TUT4: variants seen among roughly 807,000 people sequenced by gnomAD.
TUT4 encodes terminal uridylyl transferase 4.
A neutral mutation model predicts 192.2 loss-of-function variants in TUT4; 36 were observed. The observed-to-expected ratio is 0.19, with a 90% CI of 0.14 to 0.25. TUT4 has a LOEUF of 0.25. Among genes scored for constraint, TUT4 ranks in the 10% least tolerant of loss-of-function variants. The pLI is 1.00. For synonymous variants in TUT4, 618 were observed against 666.0 expected, an observed-to-expected ratio of 0.93 and a Z score of 1.11; for missense variants, 1,493 against 1,957.2, an observed-to-expected ratio of 0.76 and a Z score of 4.47.
chr1:52,445,615 A>G (rs990018620), intron 24 of TUT4, among the ~76,000 whole-genome samples, 172 bp downstream of exon 24: 1 of 152,214 alleles, frequency 6.6e-6, no homozygotes, highest in African/African-American at 2.4e-5. Context: ...TAAACAAATA[A>G]AATTTTGAAA....
intron 19 of TUT4, 120 bp from the exon 20 acceptor site, chr1:52,458,569 C>T (rs1326685604): frequency 1.3e-5 from 8 of 637,440 alleles, no homozygotes; most frequent in Non-Finnish European, 2.1e-5. Context: ...GAGTTAAAAA[C>T]AAACTGCACC....
chr1:52,481,297 G>T, intron 11 of TUT4, 126 bp downstream of exon 11: 1 of 957,670 alleles, frequency 1.0e-6, no homozygotes, highest in Non-Finnish European at 1.6e-6. Flanking sequence ...TCACTTTATA[G>T]ATGAGGAAAA....
At chr1:52,445,716 G>T in intron 24 of TUT4, 71 bp downstream of exon 24, 1 of 1,177,008 alleles carries the variant, frequency 8.5e-7, no homozygotes, top group Non-Finnish European at 1.2e-6. Context: ...ACATCAGTTT[G>T]GAAACACAAT....
rs1571181224 is a variant in TUT4 at position 52,515,500 on chromosome 1, A to G, written c.882+391T>C. 2.4e-5 allele frequency: 7 copies of G among 294,492 alleles called. No individual in the cohort carries two copies. In the East Asian group the frequency reaches 4.0e-4, roughly 17 times the overall value. 18.2% of individuals were successfully genotyped at this position (294,492 alleles called of 1,614,324 possible). On this transcript the variant is annotated intron_variant, in intron 3 of 29. Transcript: ENST00000257177. Reference sequence around the variant, plus strand: ...AAGCCATATAAGCTCTGTGACAACTACTCAACTCAAATTTCCCATCGTAGC... The same window carrying G: ...AAGCCATATAAGCTCTGTGACAACTGCTCAACTCAAATTTCCCATCGTAGC...
chr1:52,423,658 A>G lies in TUT4; in HGVS notation c.*277T>C. On this transcript the variant is annotated 3_prime_UTR_variant, in exon 30 of 30. Transcript: ENST00000257177. ...ATTCCCTTAAAAATAGGGTAATAAA[A>G]TAGATGAAATTTGTATCACTCAATT... 1 of 538,532 alleles carries G rather than the reference A, an allele frequency of 1.9e-6. No individual in the cohort carries two copies. The allele number at this position is 538,532 out of a possible 1,614,324, so 33.4% of individuals were successfully genotyped here. A position where few individuals can be genotyped will look rare whatever the true frequency, so the allele number is the denominator to read the frequency against.
intron 28 of TUT4, among the ~76,000 whole-genome samples, chr1:52,425,866 A>AGGGGGG (rs975102399): frequency 1.9e-5 from 1 of 53,078 alleles, no homozygotes; most frequent in African/African-American, 7.8e-5. Flanking sequence ...CAAAATAGGG[A>AGGGGGG]GGGGGTGGGG....
At chr1:52,449,646 T>C (rs1200561742) in intron 20 of TUT4, among the ~76,000 whole-genome samples, 2 of 152,182 alleles carry the variant, frequency 1.3e-5, no homozygotes, top group Non-Finnish European at 2.9e-5. Context: ...AATATAAAAT[T>C]TACCATCATA....
intron 1 of TUT4, among the ~76,000 whole-genome samples, chr1:52,551,712 A>G (rs563131814): frequency 6.6e-6 from 1 of 152,332 alleles, no homozygotes; most frequent in East Asian, 1.9e-4. Context: ...ACACACACAC[A>G]CAAAGTCGGC....
At chr1:52,530,426 C>A (rs1451990808) in intron 1 of TUT4, among the ~76,000 whole-genome samples, 1 of 152,034 alleles carries the variant, frequency 6.6e-6, no homozygotes, top group Non-Finnish European at 1.5e-5. Flanking sequence ...GTAAAACAAG[C>A]GCATCATAGA....
intron 11 of TUT4, 137 bp downstream of exon 11, chr1:52,481,286 C>T: frequency 1.2e-6 from 1 of 866,064 alleles, no homozygotes; most frequent in Non-Finnish European, 1.8e-6. Context: ...AGATCAACCC[C>T]TCACTTTATA....
At chr1:52,549,812 A>G (rs886635088) in intron 1 of TUT4, among the ~76,000 whole-genome samples, 4 of 152,188 alleles carry the variant, frequency 2.6e-5, no homozygotes, top group Admixed American at 2.0e-4. Flanking sequence ...AAAAATGCAT[A>G]AACAGTGTCT....
At chr1:52,440,051 A>G (rs1368672575) in intron 24 of TUT4, among the ~76,000 whole-genome samples, 1 of 152,266 alleles carries the variant, frequency 6.6e-6, no homozygotes, top group Non-Finnish European at 1.5e-5. Context: ...TTTCACTTAT[A>G]TGAAATGTCC....
At chr1:52,543,417 T>C (rs138253940) in intron 1 of TUT4, among the ~76,000 whole-genome samples, 1,822 of 151,602 alleles carry the variant, frequency 0.012, 49 homozygotes, top group African/African-American at 0.043. Context: ...TATAAAACAT[T>C]GCTGAAAGAA....
chr1:52,545,966 CAAA>C (rs71041901), intron 1 of TUT4, among the ~76,000 whole-genome samples: 2 of 72,400 alleles, frequency 2.8e-5, no homozygotes, highest in Admixed American at 3.3e-4. Flanking sequence ...TACAAAAATA[CAAA>C]AAAAAAAAAA....
At chr1:52,550,724 C>G (rs1004514352) in intron 1 of TUT4, among the ~76,000 whole-genome samples, 2 of 152,038 alleles carry the variant, frequency 1.3e-5, no homozygotes, top group Non-Finnish European at 2.9e-5. Flanking sequence ...CAAACTCCTA[C>G]GCTCAAGCAA....
At chr1:52,500,822 G>A (rs539675340) in intron 4 of TUT4, among the ~76,000 whole-genome samples, 73 of 152,226 alleles carry the variant, frequency 4.8e-4, no homozygotes, top group African/African-American at 1.4e-3. Context: ...TGTGGTCCCA[G>A]CTACTTGGAA....
intron 28 of TUT4, among the ~76,000 whole-genome samples, chr1:52,425,825 A>T (rs578031097): frequency 1.3e-5 from 2 of 149,444 alleles, no homozygotes; most frequent in Admixed American, 1.3e-4. Flanking sequence ...ATTGACTAAT[A>T]TGAGTTCTAG....
chr1:52,446,227 T>G (rs1311026093), intron 22 of TUT4, 38 bp downstream of exon 22: 2 of 1,570,820 alleles, frequency 1.3e-6, no homozygotes, highest in African/African-American at 1.4e-5. Flanking sequence ...TTGACCAAAT[T>G]TTGGTTGCTC....
chr1:52,446,701 C>G (rs1428384691), intron 20 of TUT4, 34 bp from the exon 21 acceptor site: 1 of 1,525,778 alleles, frequency 6.6e-7, no homozygotes, highest in African/African-American at 1.4e-5. Context: ...TATTAGATTT[C>G]AAGTGATCCA....
Sources: gnomAD v4.1 joint callset for allele counts (sites outside exome capture counted in the v4.1 genomes callset) on GRCh38, gnomAD v4.1.1 for gene constraint, MANE v1.5 for transcripts, NCBI Gene and HGNC (gene_info 2026-07-23, HGNC 2026-07-21) for gene names.